The following SLC5A9 variants were observed in gnomAD, a reference collection of about 807,000 sequenced individuals.
The protein encoded by SLC5A9 is sodium/glucose cotransporter 4.
In SLC5A9, 59 loss-of-function variants were observed where a neutral mutation model predicts 70.9. The ratio of observed to expected loss-of-function variants is 0.83; its 90% CI spans 0.68 to 1.03. The LOEUF is 1.03. SLC5A9 is among the 50% of genes least tolerant of loss of function. The pLI, the probability that SLC5A9 is intolerant of heterozygous loss-of-function variation, is 0.00. For missense variants in SLC5A9, 832 were observed against 881.1 expected (o/e 0.94, Z 0.71); for synonymous variants, 340 against 346.5 (o/e 0.98, Z 0.21).
chr1:48,229,024 T>C (rs1644205990), intron 3 of SLC5A9, 70 bp downstream of exon 3: 1 of 1,613,556 alleles, frequency 6.2e-7, no homozygotes, highest in African/African-American at 1.3e-5. Flanking sequence ...GCATTAGTGC[T>C]GGGAGGATCC....
In SLC5A9 at chr1:48,232,380, G is replaced by A. The variant is rs143335119; in HGVS notation, c.911G>A (p.Arg304Gln). 83 of 1,614,078 alleles carry A rather than the reference G, an allele frequency of 5.1e-5. 1 individual carries two copies. The highest frequency in any genetic ancestry group is 4.6e-4 in the South Asian group (42 of 91,070). The change falls in exon 8 of 14, where the codon CGG becomes CAG. Residue 304 changes from arginine (R) to glutamine (Q), a missense_variant. Physicochemically the swap from Arg to Gln is conservative, Grantham distance 43 (BLOSUM62 1). Coordinates refer to ENST00000438567, the MANE Select transcript of SLC5A9 (RefSeq NM_001011547.3). ...CWCTDQVIVQ[R>Q]SLSAKSLSHA... The stretch of plus-strand genomic sequence containing the variant: ...CTGCCCTTTCAGGTCATTGTGCAGC[G>A]GTCTCTCTCGGCCAAGAGTCTGTCT...
At chr1:48,226,871 T>A (rs541714846) in intron 2 of SLC5A9, among the ~76,000 whole-genome samples, 33 of 152,248 alleles carry the variant, frequency 2.2e-4, no homozygotes, top group Admixed American at 9.8e-4. Context: ...GAGGCCTTGG[T>A]GTTCTTTGCT....
intron 2 of SLC5A9, among the ~76,000 whole-genome samples, chr1:48,227,138 G>T (rs212988): frequency 0.98 from 147,591 of 150,466 alleles, 72,390 homozygotes; most frequent in East Asian, 1. Flanking sequence ...TGTGTGCGAC[G>T]GTGCAAGTGC....
intron 12 of SLC5A9, chr1:48,241,870 C>T (rs1187474614): frequency 2.2e-6 from 1 of 454,830 alleles, no homozygotes; most frequent in African/African-American, 2.0e-5. Context: ...ATATTAGCCT[C>T]TCCCATGTCC....
At position 48,229,436 on chromosome 1, in the gene SLC5A9, C is replaced by G. The variant is rs762616164; in HGVS notation, c.481C>G (p.Leu161Val). Residue 161 changes from leucine to valine, a missense_variant, in exon 4 of 14, where the codon CTC (leucine) becomes GTC (valine). By Grantham distance (32) the Leu-to-Val change is conservative (BLOSUM62 1). Transcript: ENST00000438567. ...QVYMSVLSLI[L>V]YIFTKISTDI... ...GTACATGTCTGTCCTGTCTCTCATCCTCTACATCTTCACCAAGATCTCGGT... is the reference window on the plus strand; with the variant it reads ...GTACATGTCTGTCCTGTCTCTCATCGTCTACATCTTCACCAAGATCTCGGT... 1.3e-5 allele frequency: 21 copies of G among 1,614,010 alleles called. No homozygotes were observed. Among genetic ancestry groups the G allele is most frequent in the Admixed American group, 1.7e-5 (1 of 60,002 alleles).
intron 9 of SLC5A9, among the ~76,000 whole-genome samples, chr1:48,235,399 C>T (rs1162675988): frequency 6.6e-6 from 1 of 152,024 alleles, no homozygotes; most frequent in Admixed American, 6.6e-5. Context: ...ACTGAGATGT[C>T]GAAGCTTCAG....
intron 7 of SLC5A9, 94 bp downstream of exon 7, chr1:48,232,245 T>A: frequency 6.4e-7 from 1 of 1,553,580 alleles, no homozygotes; most frequent in Admixed American, 1.8e-5. Context: ...GGGTTGGACC[T>A]CATTCTGGGA....
intron 11 of SLC5A9, among the ~76,000 whole-genome samples, 153 bp downstream of exon 11, chr1:48,238,000 TCAA>T (rs1258391204): frequency 3.3e-5 from 5 of 152,144 alleles, no homozygotes; most frequent in African/African-American, 9.7e-5. Flanking sequence ...ATTCATTCAC[TCAA>T]CAAACATTTA....
rs773646113 is a variant in SLC5A9 at position 48,232,499 on chromosome 1, C to A, written c.1030C>A (p.Pro344Thr). 5 of 1,614,024 alleles carry A rather than the reference C, an allele frequency of 3.1e-6. No homozygotes were observed. In the African/African-American group the frequency reaches 5.3e-5, roughly 17 times the overall value. ...TGGCATGATCAGCCGGGCCCTGTTC[C>A]CAGGTAAGAACGAGCCTTGCTCTCT... ...MPGMISRALF[P>T]DEVGCVDPDV... The change falls in exon 8 of 14, where the codon CCA becomes ACA. Residue 344 changes from proline (P) to threonine (T), a missense_variant. Physicochemically the swap from Pro to Thr is conservative, Grantham distance 38. Transcript: ENST00000438567.
In SLC5A9 at chr1:48,247,959, C is replaced by G; in HGVS notation, c.*416C>G. 5.3e-6 allele frequency: 1 copy of G among 188,026 alleles called. No homozygotes were observed. The highest frequency in any genetic ancestry group is 5.3e-5 in the Admixed American group (1 of 18,842). The allele number at this position is 188,026 out of a possible 1,614,324, so 11.6% of individuals were successfully genotyped here. Reference sequence around the variant, plus strand: ...CAAGAGCACCTTTGCTCCCCCTTATCCTCCTTCCTCTTCCCCTTTCTAGTT... The same window carrying G: ...CAAGAGCACCTTTGCTCCCCCTTATGCTCCTTCCTCTTCCCCTTTCTAGTT... On this transcript the variant is annotated 3_prime_UTR_variant, in exon 14 of 14. Coordinates refer to ENST00000438567, the MANE Select transcript of SLC5A9 (RefSeq NM_001011547.3).
At chr1:48,226,059 G>A (rs1644141908) in intron 2 of SLC5A9, among the ~76,000 whole-genome samples, 2 of 152,162 alleles carry the variant, frequency 1.3e-5, no homozygotes, top group Non-Finnish European at 2.9e-5. Context: ...GTAGGAGCAG[G>A]GAGCTCTTGT....
In SLC5A9 at chr1:48,236,084, T is replaced by G. The variant is rs17104299; in HGVS notation, c.1292+205T>G. Among the ~76,000 whole-genome samples, 549 of 152,196 alleles carry G rather than the reference T, an allele frequency of 3.6e-3. 3 individuals are homozygous for G. The highest frequency in any genetic ancestry group is 0.013 in the African/African-American group (534 of 41,536). On this transcript the variant is annotated intron_variant, in intron 10 of 13. Transcript: ENST00000438567. ...TTTCAGAATAATAGGAAAAAACACC[T>G]CTTCCCTGGTAACTTTATCTTGAAA...
intron 10 of SLC5A9, 94 bp downstream of exon 10, chr1:48,235,973 G>A: frequency 5.5e-6 from 8 of 1,464,260 alleles, no homozygotes; most frequent in Non-Finnish European, 6.6e-6. Context: ...GTTGGACCCT[G>A]GACTGGCAGC....
chr1:48,231,528 T>C lies in SLC5A9; in HGVS notation c.611-17T>C. 6.2e-7 allele frequency: 1 copy of C among 1,613,222 alleles called. No homozygotes were observed. The highest frequency in any genetic ancestry group is 8.5e-7 in the Non-Finnish European group (1 of 1,179,784). On this transcript the variant is annotated splice_polypyrimidine_tract_variant and intron_variant, in intron 5 of 13. Coordinates refer to ENST00000438567, the MANE Select transcript of SLC5A9 (RefSeq NM_001011547.3). ...CAAACTGGTGCTGACTGATGAGCCC[T>C]CTCCTTGGGTCCCCAGGTGGCCTCA...
At chr1:48,240,909 T>C (rs1463668028) in intron 12 of SLC5A9, among the ~76,000 whole-genome samples, 2 of 152,216 alleles carry the variant, frequency 1.3e-5, no homozygotes, top group Non-Finnish European at 2.9e-5. Flanking sequence ...TAACATCTTA[T>C]TGCTAAAATC....
In SLC5A9 at chr1:48,228,762, TATC is replaced by T. The variant is rs952889079; in HGVS notation, c.235-86_235-84del. 337 of 1,572,960 alleles carry T rather than the reference TATC, an allele frequency of 2.1e-4. 1 individual carries two copies. The highest frequency in any genetic ancestry group is 2.6e-4 in the Non-Finnish European group (298 of 1,156,496). On this transcript the variant is annotated intron_variant, in intron 2 of 13. Coordinates refer to ENST00000438567, the MANE Select transcript of SLC5A9 (RefSeq NM_001011547.3). ...TGGCATACAGTGGGTACCCAACAAA[TATC>T]AGCTCCTCACTACTCATGGTCCTCG...
chr1:48,226,889 G>T (rs1439970416), intron 2 of SLC5A9, among the ~76,000 whole-genome samples: 1 of 152,174 alleles, frequency 6.6e-6, no homozygotes, highest in South Asian at 2.1e-4. Flanking sequence ...GCTCTGACTG[G>T]GTGGTTCAGC....
In SLC5A9 at chr1:48,239,211, C is replaced by A; in HGVS notation, c.1462-111C>A. The A allele has an allele frequency of 1.3e-6, 1 of 790,270 alleles. No homozygotes were observed. The highest frequency in any genetic ancestry group is 2.1e-6 in the Non-Finnish European group (1 of 481,542). 49.0% of individuals were successfully genotyped at this position (790,270 alleles called of 1,614,324 possible). On this transcript the variant is annotated intron_variant, in intron 11 of 13. Transcript: ENST00000438567. This position sits in a 1 kb window ranked among gnomAD's most constrained non-coding sequence, Gnocchi z 4.2. ...ATTTTCCCATTAGTAGATGGATTTG[C>A]CCAACATGGCAATAAACCAGTGGGA...
intron 13 of SLC5A9, among the ~76,000 whole-genome samples, chr1:48,246,712 A>G (rs574051623): frequency 6.6e-6 from 1 of 152,292 alleles, no homozygotes; most frequent in Non-Finnish European, 1.5e-5. Context: ...AGTACTGGTA[A>G]CTTTTAAAGT....
Sources: allele counts gnomAD v4.1 joint callset (sites outside exome capture counted in the v4.1 genomes callset), GRCh38; gene constraint gnomAD v4.1.1; non-coding constraint Gnocchi (gnomAD v3.1); transcripts MANE v1.5; gene names NCBI Gene and HGNC (gene_info 2026-07-23, HGNC 2026-07-21).